Variants in R3HDML observed in about 807,000 individuals in gnomAD.
R3HDML encodes R3H domain containing like, also known as peptidase inhibitor R3HDML.
R3HDML carries 21 observed loss-of-function variants against 24.2 expected under a neutral mutation model. The ratio of observed to expected loss-of-function variants is 0.87; its 90% CI spans 0.62 to 1.25. The LOEUF (loss-of-function observed/expected upper bound fraction) is 1.25. R3HDML is among the 50% of genes most tolerant of loss of function. The pLI, the probability that R3HDML is intolerant of heterozygous loss-of-function variation, is 0.00. For synonymous variants in R3HDML, 133 were observed against 131.5 expected (o/e 1.01, Z -0.08); for missense variants, 301 against 340.3 (o/e 0.88, Z 0.91).
At chr20:44,338,728 C>A (rs962460157) in intron 1 of R3HDML, among the ~76,000 whole-genome samples, 1 of 152,172 alleles carries the variant, frequency 6.6e-6, no homozygotes, top group African/African-American at 2.4e-5. Flanking sequence ...CCTTCCCTCA[C>A]TTTACCCCTT....
intron 4 of R3HDML, 74 bp from the exon 5 acceptor site, chr20:44,350,586 C>G (rs1281563218): frequency 1.4e-5 from 20 of 1,477,294 alleles, no homozygotes; most frequent in African/African-American, 2.9e-5. Flanking sequence ...AGTGGCAGCG[C>G]TGAGATCTGG....
rs1437599402 is a variant in R3HDML, at chr20:44,337,362, T to A, written c.205T>A (p.Tyr69Asn). The A allele has an allele frequency of 6.2e-7, 1 of 1,614,068 alleles. No individual in the cohort carries two copies. Among genetic ancestry groups the A allele is most frequent in the African/African-American group, 1.3e-5 (1 of 74,920 alleles). Residue 69 changes from tyrosine (Y) to asparagine (N), a missense_variant, in exon 1 of 5, where the codon TAT becomes AAT. Tyr to Asn is a moderately radical substitution (Grantham distance 143, BLOSUM62 -2). Coordinates refer to ENST00000217043, the MANE Select transcript of R3HDML (RefSeq NM_178491.4). The surrounding 1 kb of genome is among the most constrained non-coding windows in gnomAD (Gnocchi z 4.7). ...SVRDMNALLD[Y>N]HNHIRASVYP... ...GAGAGACATGAATGCCTTACTGGAT[T>A]ATCACAACCACATCCGGGCCAGTGT...
At chr20:44,342,697 A>G (rs1214240541) in intron 2 of R3HDML, among the ~76,000 whole-genome samples, 1 of 152,096 alleles carries the variant, frequency 6.6e-6, no homozygotes, top group African/African-American at 2.4e-5. Context: ...CATGCTTGTA[A>G]TCCCAGCACT....
chr20:44,341,317 G>A lies in R3HDML; in HGVS notation c.380+3G>A. The A allele has an allele frequency of 6.2e-7, 1 of 1,604,414 alleles. No homozygotes were observed. The highest frequency in any genetic ancestry group is 8.5e-7 in the Non-Finnish European group (1 of 1,171,542). ...AACCTCTCCATCCATTCTGGCCAGTGAGTGACCCTCTGCCCTTCCTTCACT... is the reference window on the plus strand; with the variant it reads ...AACCTCTCCATCCATTCTGGCCAGTAAGTGACCCTCTGCCCTTCCTTCACT... On this transcript the variant is annotated splice_donor_region_variant and intron_variant, in intron 2 of 4. Coordinates refer to ENST00000217043, the MANE Select transcript of R3HDML (RefSeq NM_178491.4).
rs748439161 is a variant in R3HDML at position 44,350,807 on chromosome 20, T to C, written c.*15T>C. The C allele has an allele frequency of 4.3e-6, 7 of 1,613,660 alleles. No homozygotes were observed. The Admixed American group carries it at 1.2e-4, about 27-fold the overall frequency. ...CGTGGTTCTGAATTTTCTCTGGGCT[T>C]TGGTGCGCCTCCAGCTGGGCCTGAC... On this transcript the variant is annotated 3_prime_UTR_variant, in exon 5 of 5. Transcript: ENST00000217043.
chr20:44,342,269 G>A (rs1469172990), intron 2 of R3HDML, among the ~76,000 whole-genome samples: 1 of 152,174 alleles, frequency 6.6e-6, no homozygotes, highest in Non-Finnish European at 1.5e-5. Flanking sequence ...CGGGGAGAGT[G>A]GGAAAGAATT....
intron 2 of R3HDML, among the ~76,000 whole-genome samples, chr20:44,341,541 A>G (rs958254140): frequency 2.0e-5 from 3 of 152,098 alleles, no homozygotes; most frequent in Non-Finnish European, 4.4e-5. Flanking sequence ...GAGAACAAAC[A>G]AGTGCACAGA....
At chr20:44,343,559 C>G (rs749580259) in intron 3 of R3HDML, 50 bp downstream of exon 3, 1 of 1,511,958 alleles carries the variant, frequency 6.6e-7, no homozygotes, top group East Asian at 2.5e-5. Flanking sequence ...ATCCTGGCGC[C>G]TTAGAAGAAA....
intron 3 of R3HDML, 147 bp downstream of exon 3, chr20:44,343,656 G>A (rs1027264538): frequency 1.2e-5 from 10 of 849,734 alleles, no homozygotes; most frequent in Non-Finnish European, 1.7e-5. Context: ...GGAAAGTTGT[G>A]TGCACAATGA....
rs13038034 is a variant in R3HDML, at chr20:44,339,776, T to C, written c.262-1420T>C. Among the ~76,000 whole-genome samples, 3 of 151,794 alleles carry C rather than the reference T, an allele frequency of 2.0e-5. No individual in the cohort carries two copies. In the East Asian group the frequency reaches 5.8e-4, roughly 29 times the overall value. On this transcript the variant is annotated intron_variant, in intron 1 of 4. Coordinates refer to ENST00000217043, the MANE Select transcript of R3HDML (RefSeq NM_178491.4). ...GAGACTTTCTACTGTTCCTCCTTGG[T>C]TATCTATTTTTGTTGTTGTTGACAC... is the stretch of plus-strand genomic sequence containing the variant.
At chr20:44,348,373 C>T (rs1219910704) in intron 4 of R3HDML, among the ~76,000 whole-genome samples, 1 of 152,178 alleles carries the variant, frequency 6.6e-6, no homozygotes, top group Non-Finnish European at 1.5e-5. Flanking sequence ...CATTTGAATA[C>T]ATCATTTTAT....
At chr20:44,347,163 C>A (rs2062789558) in intron 4 of R3HDML, among the ~76,000 whole-genome samples, 1 of 151,920 alleles carries the variant, frequency 6.6e-6, no homozygotes, top group Non-Finnish European at 1.5e-5. Context: ...ACAACAAAAA[C>A]AAAACAAGAA....
Position 44,343,316 on chromosome 20 carries a change from G to C in R3HDML, c.381-61G>C, listed in dbSNP as rs1435591776. On this transcript the variant is annotated intron_variant, in intron 2 of 4. Transcript: ENST00000217043. Reference sequence around the variant, plus strand: ...GATCACCCAAGGTCACCAGCAAGTTGGCGGCCGAGCCACTTTTCCATCCTC... The same window carrying C: ...GATCACCCAAGGTCACCAGCAAGTTCGCGGCCGAGCCACTTTTCCATCCTC... 1.9e-6 allele frequency: 3 copies of C among 1,587,824 alleles called. No homozygotes were observed. The East Asian group carries it at 6.9e-5, about 36-fold the overall frequency.
intron 3 of R3HDML, 28 bp from the exon 4 acceptor site, chr20:44,345,235 A>G (rs2062782900): frequency 6.3e-7 from 1 of 1,589,450 alleles, no homozygotes; most frequent in African/African-American, 1.3e-5. Context: ...CCCTTCTCAT[A>G]GCCCCCTCTG....
chr20:44,337,086 C>A lies in R3HDML; in HGVS notation c.-72C>A. 1 of 1,532,534 alleles carries A rather than the reference C, an allele frequency of 6.5e-7. No homozygotes were observed. Among genetic ancestry groups the A allele is most frequent in the Admixed American group, 1.9e-5 (1 of 53,318 alleles). 94.9% of individuals were successfully genotyped at this position (1,532,534 alleles called of 1,614,324 possible). A position where few individuals can be genotyped will look rare whatever the true frequency, so the allele number is the denominator to read the frequency against. On this transcript the variant is annotated 5_prime_UTR_variant, in exon 1 of 5. Transcript: ENST00000217043. The surrounding 1 kb of genome is among the most constrained non-coding windows in gnomAD (Gnocchi z 4.7). The stretch of plus-strand genomic sequence containing the variant: ...GTTGGAGAACGCTCAGGGTCTGGTG[C>A]TCTCGTGCCTGCCCCTTCCAGGCAG...
chr20:44,342,050 AT>A (rs1489766606), intron 2 of R3HDML, among the ~76,000 whole-genome samples: 4 of 152,136 alleles, frequency 2.6e-5, no homozygotes, highest in African/African-American at 9.7e-5. Flanking sequence ...TTGGGAAGTT[AT>A]TTCCACTTTC....
intron 4 of R3HDML, among the ~76,000 whole-genome samples, chr20:44,350,176 C>T (rs1163945790): frequency 6.6e-6 from 1 of 152,112 alleles, no homozygotes; most frequent in Non-Finnish European, 1.5e-5. Context: ...TTGCTGAATT[C>T]CTTAGAGAGA....
rs975936056 is a variant in R3HDML, at chr20:44,339,626, T to G, written c.262-1570T>G. On this transcript the variant is annotated intron_variant, in intron 1 of 4. Coordinates refer to ENST00000217043, the MANE Select transcript of R3HDML (RefSeq NM_178491.4). ...GTGTGTCTGTGTGTGTGTGTATATA[T>G]AGAGAGCTGCTTGTACAGGTATAGA... 2.6e-5 allele frequency among the ~76,000 whole-genome samples: 4 copies of G among 151,500 alleles called. No individual in the cohort carries two copies. The East Asian group carries it at 5.8e-4, about 22-fold the overall frequency.
chr20:44,350,512 A>G (rs985449807), intron 4 of R3HDML, 148 bp from the exon 5 acceptor site: 2 of 604,946 alleles, frequency 3.3e-6, no homozygotes, highest in African/African-American at 3.9e-5. Context: ...AAATAAATAA[A>G]GGAAAGAAAA....
Sources: allele counts gnomAD v4.1 joint callset (sites outside exome capture counted in the v4.1 genomes callset), GRCh38; gene constraint gnomAD v4.1.1; non-coding constraint Gnocchi (gnomAD v3.1); transcripts MANE v1.5; gene names NCBI Gene and HGNC (gene_info 2026-07-23, HGNC 2026-07-21).